Variants in ARHGEF26 observed in about 807,000 individuals in gnomAD.
The protein encoded by ARHGEF26 is Rho guanine nucleotide exchange factor 26, also known as Rho guanine nucleotide exchange factor (GEF) 26.
Under a neutral mutation model 89.4 loss-of-function variants are expected in ARHGEF26, and 59 were observed. That is an observed-to-expected ratio of 0.66 (90% CI 0.54 to 0.82). The LOEUF (loss-of-function observed/expected upper bound fraction) is 0.82, where lower values mean the gene tolerates loss of function less well. Among genes scored for constraint, ARHGEF26 ranks in the 40% least tolerant of loss-of-function variants. The pLI, the probability that ARHGEF26 is intolerant of heterozygous loss-of-function variation, is 0.00. For synonymous variants in ARHGEF26, 500 were observed against 428.4 expected (o/e 1.17, Z -2.06); for missense variants, 1,234 against 1,085.6 (o/e 1.14, Z -1.92).
chr3:154,225,717 C>T (rs754392274), intron 10 of ARHGEF26, 139 bp from the exon 11 acceptor site: 16 of 781,362 alleles, frequency 2.0e-5, no homozygotes, highest in Non-Finnish European at 2.8e-5. Context: ...ATTTATAGTT[C>T]AGTTTTATAT....
chr3:154,179,367 C>G (rs972023211), intron 6 of ARHGEF26, among the ~76,000 whole-genome samples: 2 of 152,170 alleles, frequency 1.3e-5, no homozygotes, highest in African/African-American at 4.8e-5. Flanking sequence ...CTCCTTCCTG[C>G]TGATTGCCTA....
In ARHGEF26 at chr3:154,122,398, C is replaced by T. The variant is rs1331408967; in HGVS notation, c.406C>T (p.Pro136Ser). 4 of 1,610,030 alleles carry T rather than the reference C, an allele frequency of 2.5e-6. No individual in the cohort carries two copies. In the East Asian group the frequency reaches 6.7e-5, roughly 27 times the overall value. The part of the protein sequence containing the change: ...KSPANGAVTL[P>S]APPPPPVLRP... ...CCCAGCAAATGGCGCGGTGACCTTG[C>T]CTGCGCCGCCGCCGCCGCCGGTTCT... is the stretch of plus-strand genomic sequence containing the variant. Residue 136 changes from proline to serine, a missense_variant, in exon 2 of 15, where the codon CCT becomes TCT. Coordinates refer to ENST00000465093, the MANE Select transcript of ARHGEF26 (RefSeq NM_015595.4).
chr3:154,178,239 T>G (rs1299083051), intron 6 of ARHGEF26, among the ~76,000 whole-genome samples: 1 of 152,030 alleles, frequency 6.6e-6, no homozygotes, highest in East Asian at 1.9e-4. Context: ...AATAAAAGCT[T>G]TATTGAGATC....
chr3:154,220,034 C>T (rs1252082351), intron 10 of ARHGEF26, among the ~76,000 whole-genome samples: 2 of 152,128 alleles, frequency 1.3e-5, no homozygotes, highest in African/African-American at 2.4e-5. Context: ...TATGGATTTA[C>T]AGTGGAGCAC....
intron 6 of ARHGEF26, among the ~76,000 whole-genome samples, chr3:154,174,387 G>A (rs903237392): frequency 6.6e-6 from 1 of 152,176 alleles, no homozygotes; most frequent in African/African-American, 2.4e-5. Flanking sequence ...TGAGAGCTCC[G>A]AAGCACACTG....
intron 13 of ARHGEF26, among the ~76,000 whole-genome samples, chr3:154,253,547 A>G (rs1718295776): frequency 6.6e-6 from 1 of 152,236 alleles, no homozygotes; most frequent in South Asian, 2.1e-4. Context: ...ATTTTTAGCT[A>G]TTATCAGTGG....
At chr3:154,202,457 T>A (rs1368306879) in intron 9 of ARHGEF26, among the ~76,000 whole-genome samples, 1 of 152,174 alleles carries the variant, frequency 6.6e-6, no homozygotes, top group Non-Finnish European at 1.5e-5. Flanking sequence ...CTTTGTTCTT[T>A]TGGCTTAGGA....
intron 11 of ARHGEF26, among the ~76,000 whole-genome samples, chr3:154,235,069 T>C (rs562272473): frequency 1.1e-4 from 17 of 152,292 alleles, no homozygotes; most frequent in Admixed American, 2.0e-4. Context: ...CTTTTTTTTT[T>C]CCACAATCTT....
intron 3 of ARHGEF26, among the ~76,000 whole-genome samples, chr3:154,125,758 T>C (rs1272754245): frequency 6.6e-6 from 1 of 152,140 alleles, no homozygotes; most frequent in African/African-American, 2.4e-5. Context: ...TCTCATTTCT[T>C]CTCAAATATA....
At chr3:154,177,696 G>T (rs1231887874) in intron 6 of ARHGEF26, among the ~76,000 whole-genome samples, 3 of 152,100 alleles carry the variant, frequency 2.0e-5, no homozygotes, top group Non-Finnish European at 4.4e-5. Context: ...AAATAACTGG[G>T]CCCTGGGCCT....
At chr3:154,172,217 A>G (rs1295812664) in intron 6 of ARHGEF26, among the ~76,000 whole-genome samples, 4 of 152,200 alleles carry the variant, frequency 2.6e-5, no homozygotes, top group Non-Finnish European at 5.9e-5. Context: ...CCAGAAGATT[A>G]TTGGAGTAAT....
intron 6 of ARHGEF26, among the ~76,000 whole-genome samples, chr3:154,163,752 G>A (rs1186241837): frequency 6.6e-6 from 1 of 152,184 alleles, no homozygotes; most frequent in Non-Finnish European, 1.5e-5. Context: ...CATGGACATT[G>A]TTCCCGAAGT....
At position 154,247,266 on chromosome 3, in the gene ARHGEF26, C is replaced by T. The variant is rs907574619; in HGVS notation, c.2301-5850C>T. Among the ~76,000 whole-genome samples the T allele has an allele frequency of 5.3e-5, 8 of 152,300 alleles. No individual in the cohort carries two copies. In the East Asian group the frequency reaches 1.5e-3, roughly 29 times the overall value. ...ACTGCCCGTGGCTTTCCCCGACACACACATTTCTGTAAATGGTACTATTGA... is the reference window on the plus strand; with the variant it reads ...ACTGCCCGTGGCTTTCCCCGACACATACATTTCTGTAAATGGTACTATTGA... On this transcript the variant is annotated intron_variant, in intron 12 of 14. Transcript: ENST00000465093.
chr3:154,211,267 C>T (rs1715342075), intron 9 of ARHGEF26, among the ~76,000 whole-genome samples: 3 of 152,132 alleles, frequency 2.0e-5, no homozygotes, highest in Non-Finnish European at 4.4e-5. Flanking sequence ...TTCAAGTTCA[C>T]TGAGAGTCAC....
At chr3:154,207,687 G>C (rs1715110237) in intron 9 of ARHGEF26, among the ~76,000 whole-genome samples, 1 of 152,184 alleles carries the variant, frequency 6.6e-6, no homozygotes, top group African/African-American at 2.4e-5. Context: ...AGACAGTGTG[G>C]TGATTCCTTA....
chr3:154,196,010 G>A (rs1306230635), intron 9 of ARHGEF26, among the ~76,000 whole-genome samples: 1 of 152,034 alleles, frequency 6.6e-6, no homozygotes, highest in African/African-American at 2.4e-5. Context: ...TTAATTTGGT[G>A]GTTAACTCTG....
chr3:154,172,142 G>A (rs1712490146), intron 6 of ARHGEF26, among the ~76,000 whole-genome samples: 1 of 152,202 alleles, frequency 6.6e-6, no homozygotes. Context: ...CTCATTCAGG[G>A]TGTCATCAGT....
At position 154,191,400 on chromosome 3, in the gene ARHGEF26, C is replaced by T. The variant is rs763199702; in HGVS notation, c.1752C>T (p.Arg584=). 4.3e-6 allele frequency: 7 copies of T among 1,613,694 alleles called. No individual in the cohort carries two copies. The South Asian group carries it at 7.7e-5, about 18-fold the overall frequency. The change falls in exon 8 of 15, where the codon CGC becomes CGT. Residue 584 remains arginine (R), a synonymous_variant. Coordinates refer to ENST00000465093, the MANE Select transcript of ARHGEF26 (RefSeq NM_015595.4). ...FLILPMQRVT[R]LPLLMDTICQ... ...TTCTCCCCATGCAGAGGGTGACCCG[C>T]CTTCCCCTGCTGATGGATGTAAGAC...
intron 11 of ARHGEF26, among the ~76,000 whole-genome samples, chr3:154,239,289 AGAGAGAGAGAGTGTGTGTGTGTGT>A (rs1559920527): frequency 1.1e-3 from 110 of 103,658 alleles, no homozygotes; most frequent in Non-Finnish European, 1.4e-3. Context: ...AGAGAGAGAG[AGAGAGAGAGAGTGTGTGTGTGTGT>A]GTGTGTGTGT....
Sources: gnomAD v4.1 joint callset for allele counts (sites outside exome capture counted in the v4.1 genomes callset) on GRCh38, gnomAD v4.1.1 for gene constraint, MANE v1.5 for transcripts, NCBI Gene and HGNC (gene_info 2026-07-23, HGNC 2026-07-21) for gene names.